ITK: variants seen among roughly 807,000 people sequenced by gnomAD.
ITK encodes the protein IL2 inducible T cell kinase, also known as tyrosine-protein kinase ITK/TSK.
Under a neutral mutation model 87.6 loss-of-function variants are expected in ITK, and 45 were observed. That is an observed-to-expected ratio of 0.51 (90% CI 0.40 to 0.66). ITK has a LOEUF of 0.66. Ranked by LOEUF, ITK falls within the 30% of genes least tolerant of loss-of-function variation. The pLI, the probability that ITK is intolerant of heterozygous loss-of-function variation, is 0.00. For synonymous variants in ITK, 303 were observed against 273.6 expected (o/e 1.11, Z -1.06); for missense variants, 605 against 766.3 (o/e 0.79, Z 2.48).
At chr5:157,207,377 CTT>C (rs536290068) in intron 1 of ITK, among the ~76,000 whole-genome samples, 1,351 of 58,786 alleles carry the variant, frequency 0.023, 3 homozygotes, top group African/African-American at 0.037. Flanking sequence ...AGATACGTCT[CTT>C]TTTTTTTTTT....
chr5:157,204,129 C>G (rs1324278797), intron 1 of ITK, among the ~76,000 whole-genome samples: 2 of 152,302 alleles, frequency 1.3e-5, no homozygotes, highest in East Asian at 3.9e-4. Flanking sequence ...TCCCACTTCA[C>G]CCTCCCAAGT....
At chr5:157,217,513 G>T (rs1754322529) in intron 4 of ITK, among the ~76,000 whole-genome samples, 1 of 152,074 alleles carries the variant, frequency 6.6e-6, no homozygotes, top group Admixed American at 6.6e-5. Flanking sequence ...AGCTTAGCAG[G>T]TGGCAGAGAC....
chr5:157,222,903 T>C lies in ITK; in HGVS notation c.536T>C (p.Leu179Ser). ...WEPEETVVIALYDYQTNDPQE... is the reference protein window; with the variant it reads ...WEPEETVVIASYDYQTNDPQE... ...CCTGAAGAAACTGTGGTCATTGCCT[T>C]ATATGACTACCAAACCAATGATCCT... is the stretch of plus-strand genomic sequence containing the variant. The change falls in exon 6 of 17, where the codon TTA becomes TCA. Residue 179 changes from leucine (L) to serine (S), a missense_variant. Leu to Ser is a moderately radical substitution (Grantham distance 145). Around this residue, in one of 3 missense-constraint regions of ITK, gnomAD observed 464 missense variants for 578.0 expected, o/e 0.80. Coordinates refer to ENST00000422843, the MANE Select transcript of ITK (RefSeq NM_005546.4). 1 of 1,614,088 alleles carries C rather than the reference T, an allele frequency of 6.2e-7. No homozygotes were observed. Among genetic ancestry groups the C allele is most frequent in the African/African-American group, 1.3e-5 (1 of 75,006 alleles).
intron 1 of ITK, among the ~76,000 whole-genome samples, chr5:157,205,634 TG>T (rs571026622): frequency 1.8e-3 from 271 of 152,304 alleles, no homozygotes; most frequent in African/African-American, 6.3e-3. Flanking sequence ...GACAGTCACA[TG>T]GGTATAACAG....
At chr5:157,200,748 T>A (rs533752592) in intron 1 of ITK, among the ~76,000 whole-genome samples, 2 of 152,188 alleles carry the variant, frequency 1.3e-5, no homozygotes, top group South Asian at 4.1e-4. Context: ...GAGAGCAAGC[T>A]CATCTGACAG....
chr5:157,226,677 A>C (rs35474823), intron 6 of ITK, among the ~76,000 whole-genome samples: 2,488 of 152,348 alleles, frequency 0.016, 29 homozygotes, highest in Non-Finnish European at 0.027. Context: ...CACAACTCTG[A>C]ACTGATTACA....
intron 1 of ITK, among the ~76,000 whole-genome samples, chr5:157,193,152 T>C (rs1753785445): frequency 6.6e-6 from 1 of 152,130 alleles, no homozygotes; most frequent in Non-Finnish European, 1.5e-5. Flanking sequence ...GCCCAGGAGT[T>C]TAAGGTTGCA....
At position 157,252,909 on chromosome 5, in the gene ITK, T is replaced by C. The variant is rs1199809854; in HGVS notation, c.*231T>C. 11 of 577,922 alleles carry C rather than the reference T, an allele frequency of 1.9e-5. No homozygotes were observed. The highest frequency in any genetic ancestry group is 3.7e-5 in the African/African-American group (2 of 53,772). 35.8% of individuals were successfully genotyped at this position (577,922 alleles called of 1,614,324 possible). The stretch of plus-strand genomic sequence containing the variant: ...GGGAGCTGAGCCAGAACAGGAGTGA[T>C]GTCTCTGCCCTTCCTCTAGCCTCTT... On this transcript the variant is annotated 3_prime_UTR_variant, in exon 17 of 17. Transcript: ENST00000422843.
intron 1 of ITK, among the ~76,000 whole-genome samples, chr5:157,186,558 C>A (rs1158175793): frequency 1.3e-5 from 2 of 152,126 alleles, no homozygotes; most frequent in Non-Finnish European, 2.9e-5. Flanking sequence ...TGCCTGTAAT[C>A]CCAGCTACTC....
At chr5:157,224,638 G>C (rs1754494635) in intron 6 of ITK, among the ~76,000 whole-genome samples, 1 of 151,964 alleles carries the variant, frequency 6.6e-6, no homozygotes, top group South Asian at 2.1e-4. Flanking sequence ...GAAATTAGCT[G>C]GGTGTGGTGG....
At chr5:157,239,269 C>G (rs777581738) in intron 9 of ITK, among the ~76,000 whole-genome samples, 6 of 152,194 alleles carry the variant, frequency 3.9e-5, no homozygotes, top group Non-Finnish European at 5.9e-5. Context: ...GGAAAAGACA[C>G]ATGGGACAAA....
intron 1 of ITK, among the ~76,000 whole-genome samples, chr5:157,197,863 A>C (rs1301283382): frequency 6.6e-6 from 1 of 152,238 alleles, no homozygotes; most frequent in Non-Finnish European, 1.5e-5. Context: ...TGCTTCTGTG[A>C]AAATCCTTTT....
chr5:157,246,478 C>T (rs550685534), intron 15 of ITK, among the ~76,000 whole-genome samples: 1 of 151,960 alleles, frequency 6.6e-6, no homozygotes, highest in Non-Finnish European at 1.5e-5. Flanking sequence ...TCTTTTGGAA[C>T]TAAATTTGAG....
intron 1 of ITK, among the ~76,000 whole-genome samples, chr5:157,208,645 C>T (rs1754126844): frequency 6.6e-6 from 1 of 152,054 alleles, no homozygotes; most frequent in African/African-American, 2.4e-5. Flanking sequence ...TACATGACCC[C>T]GTGTCTCACT....
Position 157,191,264 on chromosome 5 carries a change from C to T in ITK, c.138+10149C>T, listed in dbSNP as rs181101175. On this transcript the variant is annotated intron_variant, in intron 1 of 16. Coordinates refer to ENST00000422843, the MANE Select transcript of ITK (RefSeq NM_005546.4). ...GTTTTAACTTTTTTGTGGCATCCTT[C>T]TTCCTGGGGGTACTTTGTCCAGAAT... Among the ~76,000 whole-genome samples the T allele has an allele frequency of 3.0e-3, 457 of 152,226 alleles. 2 individuals are homozygous for T. Among genetic ancestry groups the T allele is most frequent in the African/African-American group, 0.01 (430 of 41,528 alleles).
rs376961787 is a variant in ITK, at chr5:157,208,895, C to T, written c.145C>T (p.Arg49Cys). Residue 49 changes from arginine to cysteine, a missense_variant, in exon 2 of 17, where the codon CGC becomes TGC. Arg to Cys is a radical substitution (Grantham distance 180). Around this residue, in one of 3 missense-constraint regions of ITK, gnomAD observed 464 missense variants for 578.0 expected, o/e 0.80. Coordinates refer to ENST00000422843, the MANE Select transcript of ITK (RefSeq NM_005546.4). Reference protein sequence around the residue: ...AYFEDRHGKKRTLKGSIELSR... With the variant: ...AYFEDRHGKKCTLKGSIELSR... ...TGTTCTTCTCTCCCCACAGAAGAAGCGCACGCTGAAGGGGTCCATTGAGCT... is the reference window on the plus strand; with the variant it reads ...TGTTCTTCTCTCCCCACAGAAGAAGTGCACGCTGAAGGGGTCCATTGAGCT... 6 of 1,611,332 alleles carry T rather than the reference C, an allele frequency of 3.7e-6. No homozygotes were observed. Among genetic ancestry groups the T allele is most frequent in the Non-Finnish European group, 5.1e-6 (6 of 1,177,544 alleles).
At chr5:157,207,377 CTTTTT>C (rs536290068) in intron 1 of ITK, among the ~76,000 whole-genome samples, 2 of 59,126 alleles carry the variant, frequency 3.4e-5, no homozygotes, top group South Asian at 1.0e-3. Flanking sequence ...AGATACGTCT[CTTTTT>C]TTTTTTTTTT....
Position 157,232,342 on chromosome 5 carries a change from G to C in ITK, c.716G>C (p.Trp239Ser). 1 of 1,607,478 alleles carries C rather than the reference G, an allele frequency of 6.2e-7. No individual in the cohort carries two copies. The highest frequency in any genetic ancestry group is 8.5e-7 in the Non-Finnish European group (1 of 1,174,446). Residue 239 changes from tryptophan (W) to serine (S), a missense_variant and splice_region_variant, in exon 8 of 17, where the codon TGG (tryptophan) becomes TCG (serine). Physicochemically the swap from Trp to Ser is radical, Grantham distance 177 (BLOSUM62 -3). Coordinates refer to ENST00000422843, the MANE Select transcript of ITK (RefSeq NM_005546.4). ...KSPNNLETYE[W>S]YNKSISRDKA... is the part of the protein sequence containing the mutation. ...ATATGACTTTTCCTTGCTTTCAGGT[G>C]GTACAATAAGAGTATCAGCCGAGAC...
At chr5:157,211,107 C>T (rs1754182940) in intron 2 of ITK, among the ~76,000 whole-genome samples, 180 bp from the exon 3 acceptor site, 1 of 152,094 alleles carries the variant, frequency 6.6e-6, no homozygotes, top group South Asian at 2.1e-4. Context: ...AAACTGCTTA[C>T]CCTGTGTTTT....
Sources: gnomAD v4.1 joint callset for allele counts (sites outside exome capture counted in the v4.1 genomes callset) on GRCh38, gnomAD v4.1.1 for gene constraint, gnomAD v4.1.1 regional missense constraint, MANE v1.5 for transcripts, NCBI Gene and HGNC (gene_info 2026-07-23, HGNC 2026-07-21) for gene names.